PLEKHA8: variants seen among roughly 807,000 people sequenced by gnomAD.
The protein encoded by PLEKHA8 is pleckstrin homology domain containing A8, also known as pleckstrin homology domain-containing family A member 8.
PLEKHA8 carries 36 observed loss-of-function variants against 68.2 expected under a neutral mutation model. That is an observed-to-expected ratio of 0.53 (90% CI 0.40 to 0.70). The LOEUF (loss-of-function observed/expected upper bound fraction) is 0.70, where lower values mean the gene tolerates loss of function less well. Ranked by LOEUF, PLEKHA8 falls within the 30% of genes least tolerant of loss-of-function variation. The pLI is 0.00. For synonymous variants in PLEKHA8, 211 were observed against 216.1 expected, an observed-to-expected ratio of 0.98 and a Z score of 0.20; for missense variants, 505 against 615.4, an observed-to-expected ratio of 0.82 and a Z score of 1.90.
At chr7:30,062,644 T>G in intron 11 of PLEKHA8, 28 bp from the exon 12 acceptor site, 1 of 1,545,558 alleles carries the variant, frequency 6.5e-7, no homozygotes, top group Middle Eastern at 1.7e-4. Context: ...ACTTTGAAAA[T>G]AATATTTCTT....
Position 30,082,694 on chromosome 7 carries a change from G to A in PLEKHA8, c.*3907G>A, listed in dbSNP as rs1394901360. On this transcript the variant is annotated 3_prime_UTR_variant, in exon 14 of 14. Coordinates refer to ENST00000449726, the MANE Select transcript of PLEKHA8 (RefSeq NM_001197026.2). ...ATGTGATAGGGACCAAATAAGTAAA[G>A]TACATTTTTCTCCACTAAATTTGAA... 1.0e-6 allele frequency: 1 copy of A among 984,940 alleles called. No homozygotes were observed. Among genetic ancestry groups the A allele is most frequent in the Non-Finnish European group, 1.2e-6 (1 of 829,656 alleles). The allele number at this position is 984,940 out of a possible 1,614,324, so 61.0% of individuals were successfully genotyped here.
At chr7:30,062,227 T>C (rs1053389810) in intron 11 of PLEKHA8, among the ~76,000 whole-genome samples, 200 bp downstream of exon 11, 1 of 152,090 alleles carries the variant, frequency 6.6e-6, no homozygotes, top group African/African-American at 2.4e-5. Context: ...TGTTGATAAG[T>C]ATATATAAGA....
intron 13 of PLEKHA8, among the ~76,000 whole-genome samples, chr7:30,103,128 A>G (rs1488586943): frequency 2.0e-5 from 3 of 152,188 alleles, no homozygotes; most frequent in African/African-American, 7.2e-5. Context: ...AGAATGGGGA[A>G]TTATCGTATA....
intron 13 of PLEKHA8, among the ~76,000 whole-genome samples, chr7:30,118,790 G>T (rs1458774533): frequency 6.6e-6 from 1 of 152,142 alleles, no homozygotes; most frequent in Non-Finnish European, 1.5e-5. Context: ...TGTTAGCCAG[G>T]ATGATCTCGA....
downstream of PLEKHA8, among the ~76,000 whole-genome samples, chr7:30,088,483 G>A (rs1257203435): frequency 6.6e-6 from 1 of 152,174 alleles, no homozygotes; most frequent in East Asian, 1.9e-4. Context: ...TCTCCCCAGT[G>A]ATTCTAATTT....
downstream of PLEKHA8, among the ~76,000 whole-genome samples, chr7:30,087,478 T>G (rs556391399): frequency 1.1e-4 from 17 of 152,330 alleles, no homozygotes; most frequent in African/African-American, 4.1e-4. Flanking sequence ...CAAACTTGGT[T>G]GCACCTACAG....
At chr7:30,092,742 T>C (rs1383300354), downstream of PLEKHA8, among the ~76,000 whole-genome samples, 1 of 152,214 alleles carries the variant, frequency 6.6e-6, no homozygotes, top group Non-Finnish European at 1.5e-5. Flanking sequence ...GGCCACAGCG[T>C]GGGCATATGA....
At chr7:30,045,868 G>A (rs887999014) in intron 2 of PLEKHA8, among the ~76,000 whole-genome samples, 1 of 152,134 alleles carries the variant, frequency 6.6e-6, no homozygotes, top group African/African-American at 2.4e-5. Context: ...TGGCCTCAGA[G>A]CAGCCTACTT....
In PLEKHA8 at chr7:30,115,684, A is replaced by G. The variant is rs548977800; in HGVS notation, c.1363-13582A>G. Among the ~76,000 whole-genome samples the G allele has an allele frequency of 8.6e-4, 125 of 145,460 alleles. 3 individuals carry two copies. The highest frequency in any genetic ancestry group is 2.9e-3 in the African/African-American group (114 of 39,538). Reference sequence around the variant, plus strand: ...TGTATACGTGTATACATACGCACATACATGCATACACGTATACATGTATAC... The same window carrying G: ...TGTATACGTGTATACATACGCACATGCATGCATACACGTATACATGTATAC... On this transcript the variant is annotated intron_variant, in intron 13 of 13. Coordinates refer to the PLEKHA8 transcript ENST00000396257.
intron 8 of PLEKHA8, 48 bp from the exon 9 acceptor site, chr7:30,055,209 G>C (rs1456074639): frequency 1.3e-6 from 2 of 1,527,880 alleles, no homozygotes; most frequent in Non-Finnish European, 1.8e-6. Flanking sequence ...GCAGAGTGCT[G>C]ATACTGTATT....
Position 30,090,662 on chromosome 7 carries a change from T to TAG in PLEKHA8, c.*487_*488insAG, listed in dbSNP as rs1795378798. ...CCCTCTTATTTTCATAGCAGAGACT[T>TAG]GATACTGTCTCAACTTTTTTCAAAA... On this transcript the variant is annotated 3_prime_UTR_variant, in exon 13 of 13. Coordinates refer to the PLEKHA8 transcript ENST00000258679. 9.3e-5 allele frequency: 49 copies of TAG among 529,324 alleles called. No homozygotes were observed. The South Asian group carries it at 3.8e-3, about 41-fold the overall frequency. The allele number at this position is 529,324 out of a possible 1,614,324, so 32.8% of individuals were successfully genotyped here. A position where few individuals can be genotyped will look rare whatever the true frequency, so the allele number is the denominator to read the frequency against.
At chr7:30,041,595 A>T (rs1258506764) in intron 1 of PLEKHA8, among the ~76,000 whole-genome samples, 2 of 151,844 alleles carry the variant, frequency 1.3e-5, no homozygotes, top group African/African-American at 2.4e-5. Flanking sequence ...GGGTCTCACT[A>T]TGTTGACTAG....
chr7:30,049,638 A>C (rs933724541), intron 5 of PLEKHA8, among the ~76,000 whole-genome samples: 1 of 152,124 alleles, frequency 6.6e-6, no homozygotes, highest in Non-Finnish European at 1.5e-5. Context: ...TAAAGTTGTG[A>C]TAGTCTTCTA....
intron 12 of PLEKHA8, among the ~76,000 whole-genome samples, chr7:30,071,583 T>G (rs886416198): frequency 6.6e-6 from 1 of 152,240 alleles, no homozygotes; most frequent in Admixed American, 6.5e-5. Context: ...GGCTCTTCTA[T>G]AAACCATCAA....
At chr7:30,039,226 A>G (rs1486543573) in intron 1 of PLEKHA8, among the ~76,000 whole-genome samples, 1 of 152,198 alleles carries the variant, frequency 6.6e-6, no homozygotes, top group Non-Finnish European at 1.5e-5. Context: ...TTAAAAATTT[A>G]TTCTTGGCCA....
intron 9 of PLEKHA8, among the ~76,000 whole-genome samples, chr7:30,060,353 G>A (rs1223993627): frequency 4.6e-5 from 7 of 151,954 alleles, no homozygotes; most frequent in Non-Finnish European, 7.4e-5. Context: ...AGGGAGAATC[G>A]CTTGAACCTG....
downstream of PLEKHA8, among the ~76,000 whole-genome samples, chr7:30,088,326 T>G (rs1308670121): frequency 6.6e-6 from 1 of 152,200 alleles, no homozygotes; most frequent in African/African-American, 2.4e-5. Context: ...GTCCAGCTCA[T>G]GGTTCTCACC....
At chr7:30,116,425 C>T (rs2128022377) in intron 13 of PLEKHA8, among the ~76,000 whole-genome samples, 1 of 152,064 alleles carries the variant, frequency 6.6e-6, no homozygotes, top group East Asian at 1.9e-4. Flanking sequence ...TTTCTTACAT[C>T]ATTAAAATTC....
At chr7:30,029,798 C>A (rs1350081625) in intron 1 of PLEKHA8, among the ~76,000 whole-genome samples, 1 of 152,062 alleles carries the variant, frequency 6.6e-6, no homozygotes, top group Non-Finnish European at 1.5e-5. Context: ...GGTAATGCGC[C>A]GGGTGTTTTA....
Sources: allele counts gnomAD v4.1 joint callset (sites outside exome capture counted in the v4.1 genomes callset), GRCh38; gene constraint gnomAD v4.1.1; transcripts MANE v1.5; gene names NCBI Gene and HGNC (gene_info 2026-07-23, HGNC 2026-07-21).